Variants in PTPRM observed in about 807,000 individuals in gnomAD.
The protein encoded by PTPRM is protein tyrosine phosphatase receptor type M, also known as receptor-type tyrosine-protein phosphatase mu.
Under a neutral mutation model 186.7 loss-of-function variants are expected in PTPRM, and 47 were observed. That is an observed-to-expected ratio of 0.25 (90% CI 0.20 to 0.32). The LOEUF (loss-of-function observed/expected upper bound fraction) is 0.32. Ranked by LOEUF, PTPRM falls within the 10% of genes least tolerant of loss-of-function variation. The pLI, the probability that PTPRM is intolerant of heterozygous loss-of-function variation, is 1.00. For missense variants in PTPRM, 1,494 were observed against 1,865.0 expected (o/e 0.80, Z 3.66); for synonymous variants, 668 against 674.9 (o/e 0.99, Z 0.16).
intron 7 of PTPRM, among the ~76,000 whole-genome samples, chr18:8,019,063 A>AAAGCACTGAAT (rs2085052175): frequency 6.6e-6 from 1 of 152,210 alleles, no homozygotes; most frequent in Non-Finnish European, 1.5e-5. Flanking sequence ...GCTTCTTAGA[A>AAAGCACTGAAT]AAGCACTGAA....
chr18:8,319,335 C>T, intron 22 of PTPRM, 121 bp downstream of exon 22: 2 of 647,492 alleles, frequency 3.1e-6, no homozygotes, highest in African/African-American at 1.9e-5. Flanking sequence ...TAGCCATCGG[C>T]AGGTACACTC....
chr18:7,957,414 G>A (rs889471256), intron 7 of PTPRM, among the ~76,000 whole-genome samples: 2 of 152,092 alleles, frequency 1.3e-5, no homozygotes, highest in African/African-American at 4.8e-5. Context: ...ATTGATATTT[G>A]TAGGCCCACA....
chr18:8,139,450 A>G (rs1173240423), intron 13 of PTPRM, among the ~76,000 whole-genome samples: 1 of 152,166 alleles, frequency 6.6e-6, no homozygotes, highest in Non-Finnish European at 1.5e-5. Context: ...GTGGCCCGCT[A>G]CAGCCTGCAG....
chr18:7,655,137 G>T (rs776372199), intron 1 of PTPRM, among the ~76,000 whole-genome samples: 7 of 152,104 alleles, frequency 4.6e-5, no homozygotes, highest in Non-Finnish European at 7.4e-5. Flanking sequence ...GCAGTGTTTT[G>T]TAGTTCTTGA....
chr18:7,788,348 T>C (rs1289763915), intron 2 of PTPRM, among the ~76,000 whole-genome samples: 1 of 152,200 alleles, frequency 6.6e-6, no homozygotes, highest in Non-Finnish European at 1.5e-5. Context: ...ACTGTAAATA[T>C]TAATTCTATG....
In PTPRM at chr18:7,568,609, C is replaced by T. The variant is rs939191764; in HGVS notation, c.73+718C>T. Among the ~76,000 whole-genome samples the T allele has an allele frequency of 2.6e-5, 4 of 152,224 alleles. No homozygotes were observed. Among genetic ancestry groups the T allele is most frequent in the Non-Finnish European group, 4.4e-5 (3 of 68,036 alleles). On this transcript the variant is annotated intron_variant, in intron 1 of 32. Transcript: ENST00000580170. This position sits in a 1 kb window ranked among gnomAD's most constrained non-coding sequence, Gnocchi z 5.1. ...GGCTCCCCCTCCCCACCCTCGTCCCCCTAGCGGAGCGCCGCGGCCAGCTGC... is the reference window on the plus strand; with the variant it reads ...GGCTCCCCCTCCCCACCCTCGTCCCTCTAGCGGAGCGCCGCGGCCAGCTGC...
In PTPRM at chr18:8,343,461, G is replaced by T; in HGVS notation, c.2995G>T (p.Val999Leu). The T allele has an allele frequency of 6.2e-7, 1 of 1,613,958 alleles. No homozygotes were observed. Among genetic ancestry groups the T allele is most frequent in the Non-Finnish European group, 8.5e-7 (1 of 1,179,930 alleles). Residue 999 changes from valine (V) to leucine (L), a missense_variant, in exon 23 of 33, where the codon GTG (valine) becomes TTG (leucine). Coordinates refer to ENST00000580170, the MANE Select transcript of PTPRM (RefSeq NM_001105244.2). The part of the protein sequence containing the change: ...QETIYDFWRM[V>L]WHENTASIIM... ...AACCATCTATGACTTCTGGAGGATG[G>T]TGTGGCACGAAAACACTGCAAGTAT... is the stretch of plus-strand genomic sequence containing the variant.
chr18:7,718,359 A>T (rs530119868), intron 1 of PTPRM, among the ~76,000 whole-genome samples: 1 of 152,348 alleles, frequency 6.6e-6, no homozygotes, highest in South Asian at 2.1e-4. Context: ...GGTAAGCCAC[A>T]TGTAGAAGAA....
chr18:7,812,765 A>G (rs1023630347), intron 2 of PTPRM, among the ~76,000 whole-genome samples: 14 of 151,192 alleles, frequency 9.3e-5, no homozygotes, highest in African/African-American at 3.4e-4. Flanking sequence ...TTCAAAGTGC[A>G]CTGGCTTATG....
intron 1 of PTPRM, among the ~76,000 whole-genome samples, chr18:7,607,808 C>T (rs2037571298): frequency 6.6e-6 from 1 of 152,242 alleles, no homozygotes; most frequent in South Asian, 2.1e-4. Flanking sequence ...CGGAGCACTG[C>T]TCATCCTCTC....
intron 5 of PTPRM, among the ~76,000 whole-genome samples, chr18:7,932,491 C>T (rs1435486597): frequency 6.6e-6 from 1 of 151,982 alleles, no homozygotes; most frequent in African/African-American, 2.4e-5. Context: ...TATTGAAAGT[C>T]AGTTTTATAT....
At chr18:7,901,009 C>T (rs1438143929) in intron 3 of PTPRM, among the ~76,000 whole-genome samples, 2 of 152,028 alleles carry the variant, frequency 1.3e-5, no homozygotes, top group African/African-American at 4.8e-5. Flanking sequence ...TTTCTTTTTT[C>T]CTTTTCCAAT....
chr18:8,281,271 G>A (rs145277988), intron 19 of PTPRM, among the ~76,000 whole-genome samples: 20 of 152,168 alleles, frequency 1.3e-4, no homozygotes, highest in Admixed American at 3.3e-4. Context: ...TGCATTTATC[G>A]CTACATCCTT....
At position 8,030,929 on chromosome 18, in the gene PTPRM, G is replaced by C. The variant is rs952128688; in HGVS notation, c.1133-38757G>C. On this transcript the variant is annotated intron_variant, in intron 7 of 32. Coordinates refer to ENST00000580170, the MANE Select transcript of PTPRM (RefSeq NM_001105244.2). ...ATTAATGGTAGAATAAAATGCCTGT[G>C]TACTACCCAAAATTTTCCTAAATTT... Among the ~76,000 whole-genome samples, 3 of 152,176 alleles carry C rather than the reference G, an allele frequency of 2.0e-5. No individual in the cohort carries two copies. The East Asian group carries it at 5.8e-4, about 29-fold the overall frequency.
chr18:7,699,909 G>T (rs756908127), intron 1 of PTPRM, among the ~76,000 whole-genome samples: 18 of 152,106 alleles, frequency 1.2e-4, no homozygotes, highest in Admixed American at 2.6e-4. Flanking sequence ...GGATCAAGCT[G>T]CCTTTCTTCC....
At chr18:7,600,429 C>T (rs1158551680) in intron 1 of PTPRM, among the ~76,000 whole-genome samples, 2 of 152,206 alleles carry the variant, frequency 1.3e-5, no homozygotes, top group African/African-American at 4.8e-5. Flanking sequence ...ACATAACACA[C>T]CACTTGCTCC....
intron 20 of PTPRM, among the ~76,000 whole-genome samples, chr18:8,299,451 G>A (rs58489813): frequency 0.038 from 5,787 of 152,010 alleles, 157 homozygotes; most frequent in East Asian, 0.069. Context: ...GCTGGGCATG[G>A]TGGCATGTGC....
chr18:7,838,654 G>T (rs2046176356), intron 2 of PTPRM, among the ~76,000 whole-genome samples: 1 of 152,212 alleles, frequency 6.6e-6, no homozygotes, highest in Non-Finnish European at 1.5e-5. Context: ...AGGGCCTGTT[G>T]TAAGAACTCC....
intron 9 of PTPRM, among the ~76,000 whole-genome samples, chr18:8,077,293 G>T (rs750996691): frequency 6.6e-6 from 1 of 151,934 alleles, no homozygotes; most frequent in Non-Finnish European, 1.5e-5. Context: ...AAAAATCGTG[G>T]CAAATTCTCA....
Sources: allele counts gnomAD v4.1 joint callset (sites outside exome capture counted in the v4.1 genomes callset), GRCh38; gene constraint gnomAD v4.1.1; non-coding constraint Gnocchi (gnomAD v3.1); transcripts MANE v1.5; gene names NCBI Gene and HGNC (gene_info 2026-07-23, HGNC 2026-07-21).